The following RFX8 variants were observed in gnomAD, a reference collection of about 807,000 sequenced individuals.
The protein encoded by RFX8 is DNA-binding protein RFX8.
In RFX8, 46 loss-of-function variants were observed where a neutral mutation model predicts 54.6. The observed-to-expected ratio is 0.84, with a 90% CI of 0.67 to 1.08. RFX8 has a LOEUF of 1.08. Among genes scored for constraint, RFX8 ranks in the 50% least tolerant of loss-of-function variants. RFX8 has a pLI of 0.00. For synonymous variants in RFX8, 192 were observed against 209.5 expected, an observed-to-expected ratio of 0.92 and a Z score of 0.72; for missense variants, 536 against 562.3, an observed-to-expected ratio of 0.95 and a Z score of 0.47.
chr2:101,467,592 C>G (rs1689647964), intron 1 of RFX8, among the ~76,000 whole-genome samples: 1 of 152,194 alleles, frequency 6.6e-6, no homozygotes, highest in South Asian at 2.1e-4. Flanking sequence ...TGCAGCAGTG[C>G]CTGTGAACGC....
At chr2:101,418,797 T>G in intron 5 of RFX8, 54 bp downstream of exon 5, 1 of 1,163,818 alleles carries the variant, frequency 8.6e-7, no homozygotes, top group African/African-American at 1.5e-5. Flanking sequence ...AAACCCAGCA[T>G]TTGCTGCCAA....
chr2:101,414,516 T>C (rs994671136), intron 7 of RFX8, among the ~76,000 whole-genome samples: 1 of 151,962 alleles, frequency 6.6e-6, no homozygotes. Context: ...TCAAGTAATC[T>C]GCCTGCCTCG....
In RFX8 at chr2:101,410,373, C is replaced by G. The variant is rs1216650392; in HGVS notation, c.813+246G>C. Among the ~76,000 whole-genome samples the G allele has an allele frequency of 1.1e-4, 15 of 137,584 alleles. No homozygotes were observed. In the Admixed American group the frequency reaches 1.2e-3, roughly 11 times the overall value. The allele number at this position is 137,584 out of a possible 152,430, so 90.3% of individuals were successfully genotyped here. On this transcript the variant is annotated intron_variant, in intron 9 of 11. Transcript: ENST00000428343. ...CCCCTCCACACACACTCCCACACAC[C>G]CAAACATATGCCCACACTCACACAC...
At chr2:101,461,180 G>A (rs1447754036) in intron 2 of RFX8, among the ~76,000 whole-genome samples, 4 of 148,544 alleles carry the variant, frequency 2.7e-5, no homozygotes, top group East Asian at 4.0e-4. Flanking sequence ...GGAGAATGGC[G>A]TGAACCCAGG....
chr2:101,437,910 T>C (rs36155181), intron 2 of RFX8, among the ~76,000 whole-genome samples: 114,978 of 151,984 alleles, frequency 0.76, 44,443 homozygotes, highest in Middle Eastern at 0.88. Flanking sequence ...GCTTCCCCCA[T>C]CCCTACGTCA....
chr2:101,425,781 C>A lies in RFX8; in HGVS notation c.73-3309G>T, dbSNP rs558841042. Among the ~76,000 whole-genome samples, 193 of 152,094 alleles carry A rather than the reference C, an allele frequency of 1.3e-3. 3 individuals are homozygous for A. Among genetic ancestry groups the A allele is most frequent in the African/African-American group, 4.5e-3 (188 of 41,486 alleles). The stretch of plus-strand genomic sequence containing the variant: ...CCTTTACAACATAAACAATCAGAAA[C>A]CTAAAGTAAAAGTAGCGTACAGAGC... On this transcript the variant is annotated intron_variant, in intron 2 of 11. Coordinates refer to ENST00000428343, the MANE Select transcript of RFX8 (RefSeq NM_001145664.2).
At chr2:101,411,707 G>GA (rs1022184065) in intron 8 of RFX8, among the ~76,000 whole-genome samples, 5 of 151,834 alleles carry the variant, frequency 3.3e-5, no homozygotes, top group Admixed American at 6.6e-5. Flanking sequence ...GGATTGGTGG[G>GA]AAAAAAAAGT....
At chr2:101,420,268 G>A (rs1168667251) in intron 4 of RFX8, among the ~76,000 whole-genome samples, 1 of 152,112 alleles carries the variant, frequency 6.6e-6, no homozygotes, top group Non-Finnish European at 1.5e-5. Flanking sequence ...TAGGCTGGGC[G>A]CGGTGGTTCA....
chr2:101,447,375 C>A (rs1688445795), intron 2 of RFX8, among the ~76,000 whole-genome samples: 1 of 152,210 alleles, frequency 6.6e-6, no homozygotes, highest in Non-Finnish European at 1.5e-5. Flanking sequence ...ATACCTTAGA[C>A]TGGGTACTTT....
chr2:101,431,040 AAT>A (rs1278893992), intron 2 of RFX8, among the ~76,000 whole-genome samples: 1 of 152,166 alleles, frequency 6.6e-6, no homozygotes, highest in African/African-American at 2.4e-5. Flanking sequence ...TGCTACTCCT[AAT>A]ATGTTTTCTT....
chr2:101,414,836 T>C lies in RFX8; in HGVS notation c.561+18A>G. Reference sequence around the variant, plus strand: ...GGAAACTGCTTTGTTCCCTCCTATCTGCTTGGCTGAAGCCTACCTTAGCCA... The same window carrying C: ...GGAAACTGCTTTGTTCCCTCCTATCCGCTTGGCTGAAGCCTACCTTAGCCA... On this transcript the variant is annotated intron_variant, in intron 7 of 11. Coordinates refer to ENST00000428343, the MANE Select transcript of RFX8 (RefSeq NM_001145664.2). The C allele has an allele frequency of 6.5e-7, 1 of 1,540,296 alleles. No homozygotes were observed. The highest frequency in any genetic ancestry group is 8.8e-7 in the Non-Finnish European group (1 of 1,137,238).
chr2:101,439,152 G>A (rs973427457), intron 2 of RFX8, among the ~76,000 whole-genome samples: 2 of 152,160 alleles, frequency 1.3e-5, no homozygotes, highest in Non-Finnish European at 2.9e-5. Context: ...GTGACTAATG[G>A]ACTGAGTGTC....
intron 2 of RFX8, among the ~76,000 whole-genome samples, chr2:101,435,832 T>TA (rs5832969): frequency 0.76 from 114,763 of 151,908 alleles, 44,302 homozygotes; most frequent in Middle Eastern, 0.88. Context: ...CATTTTCATT[T>TA]AAAAAAATAG....
chr2:101,409,516 A>G (rs1166429967), intron 9 of RFX8, among the ~76,000 whole-genome samples: 1 of 147,360 alleles, frequency 6.8e-6, no homozygotes, highest in Non-Finnish European at 1.5e-5. Context: ...GTGAGCCACC[A>G]TGCCCGGCCA....
intron 6 of RFX8, 83 bp from the exon 7 acceptor site, chr2:101,414,995 G>C: frequency 9.3e-7 from 1 of 1,071,024 alleles, no homozygotes; most frequent in Admixed American, 2.0e-5. Context: ...GTGCATGTTT[G>C]GGGTAGGAAG....
In RFX8 at chr2:101,418,917, T is replaced by G. The variant is rs1245050342; in HGVS notation, c.285A>C (p.Thr95=). 6.4e-7 allele frequency: 1 copy of G among 1,551,232 alleles called. No homozygotes were observed. The highest frequency in any genetic ancestry group is 8.7e-7 in the Non-Finnish European group (1 of 1,146,682). ...CGTCAGGCAATGACATCAGCATGAC[T>G]GTGTCTTGCTGCAGAGACTTCCAGA... The part of the protein sequence containing the change: ...TSFWKSLQQD[T]VMLMSLPDVC... Residue 95 remains threonine, a synonymous_variant, in exon 5 of 12, where the codon ACA becomes ACC. Transcript: ENST00000428343.
At chr2:101,452,524 T>A in intron 2 of RFX8, 1 of 550,494 alleles carries the variant, frequency 1.8e-6, no homozygotes, top group Non-Finnish European at 2.8e-6. Context: ...TTACAATATT[T>A]AAATGATATT....
At chr2:101,450,853 A>G (rs1688635670) in intron 2 of RFX8, among the ~76,000 whole-genome samples, 1 of 152,230 alleles carries the variant, frequency 6.6e-6, no homozygotes, top group Non-Finnish European at 1.5e-5. Flanking sequence ...TTATGTAGAC[A>G]GGCAACTTCA....
At chr2:101,435,496 TAA>T (rs1687729637) in intron 2 of RFX8, among the ~76,000 whole-genome samples, 1 of 152,100 alleles carries the variant, frequency 6.6e-6, no homozygotes, top group Non-Finnish European at 1.5e-5. Context: ...AGGTAGAGAA[TAA>T]AGGTTAATTA....
Sources: allele counts gnomAD v4.1 joint callset (sites outside exome capture counted in the v4.1 genomes callset), GRCh38; gene constraint gnomAD v4.1.1; transcripts MANE v1.5; gene names NCBI Gene and HGNC (gene_info 2026-07-23, HGNC 2026-07-21).